Variants in ARK2N observed in about 807,000 individuals in gnomAD.
ARK2N encodes the protein arkadia (RNF111) N-terminal like PKA signaling regulator 2N.
At chr18:46,216,214 G>T in the ARK2N span, 2 of 1,613,772 alleles carry the variant, frequency 1.2e-6, no homozygotes, top group Middle Eastern at 1.7e-4. The surrounding 1 kb of genome is among the most constrained non-coding windows in gnomAD (Gnocchi z 4.3). Context: ...GTTGTCTTCC[G>T]CAGAAGAGAA....
chr18:46,200,137 G>T, the ARK2N span, among the ~76,000 whole-genome samples: 1 of 151,802 alleles, frequency 6.6e-6, no homozygotes, highest in African/African-American at 2.4e-5. Flanking sequence ...AGACCTGGTG[G>T]TTCTGTTTCT....
chr18:46,209,494 T>C, the ARK2N span, among the ~76,000 whole-genome samples: 7 of 152,206 alleles, frequency 4.6e-5, no homozygotes, highest in Admixed American at 4.6e-4. Context: ...ATGGTTTAAC[T>C]CTTTGAGCTG....
the ARK2N span, chr18:46,174,099 G>C: frequency 6.5e-6 from 1 of 152,824 alleles, no homozygotes; most frequent in African/African-American, 2.4e-5. Flanking sequence ...CGACTGAAGG[G>C]ACTTGGTGGT....
the ARK2N span, among the ~76,000 whole-genome samples, chr18:46,227,351 T>C: frequency 3.3e-5 from 5 of 152,226 alleles, no homozygotes; most frequent in Non-Finnish European, 5.9e-5. Flanking sequence ...AATTCAGTTC[T>C]ATATCCACAT....
chr18:46,191,893 C>T, the ARK2N span, among the ~76,000 whole-genome samples: 1 of 152,206 alleles, frequency 6.6e-6, no homozygotes, highest in African/African-American at 2.4e-5. Context: ...TCCAGAATGT[C>T]ATACAATTGG....
the ARK2N span, among the ~76,000 whole-genome samples, chr18:46,195,633 G>A: frequency 1.1e-4 from 15 of 142,250 alleles, no homozygotes; most frequent in African/African-American, 3.6e-4. Context: ...CTGGAGTGCA[G>A]TGGCACGATC....
At chr18:46,182,075 T>C in the ARK2N span, among the ~76,000 whole-genome samples, 1 of 152,162 alleles carries the variant, frequency 6.6e-6, no homozygotes, top group South Asian at 2.1e-4. Flanking sequence ...AGAAAGGTAT[T>C]GTCGGGGATA....
the ARK2N span, chr18:46,217,444 A>G: frequency 6.6e-6 from 1 of 152,226 alleles, no homozygotes; most frequent in Middle Eastern, 3.2e-3. Flanking sequence ...ACTGTATGGC[A>G]TTGAATAGGT....
chr18:46,240,848 CTTCTTCAATATT>C, the ARK2N span, among the ~76,000 whole-genome samples: 31 of 152,336 alleles, frequency 2.0e-4, 1 homozygote, highest in South Asian at 8.3e-4. Context: ...ACCTCCAAGT[CTTCTTCAATATT>C]TTCTTCAAAA....
the ARK2N span, among the ~76,000 whole-genome samples, chr18:46,224,307 C>T: frequency 6.6e-6 from 1 of 152,146 alleles, no homozygotes; most frequent in East Asian, 1.9e-4. Flanking sequence ...CACAGACCAG[C>T]GTTTGTAAAA....
At chr18:46,210,739 G>A in the ARK2N span, among the ~76,000 whole-genome samples, 1 of 151,886 alleles carries the variant, frequency 6.6e-6, no homozygotes, top group Non-Finnish European at 1.5e-5. Context: ...GTGATACCCC[G>A]TCTCTACAAA....
At chr18:46,175,520 C>T in the ARK2N span, among the ~76,000 whole-genome samples, 3 of 150,142 alleles carry the variant, frequency 2.0e-5, no homozygotes, top group African/African-American at 4.9e-5. Context: ...GTTTAACAAG[C>T]ATTTTTAGAG....
the ARK2N span, among the ~76,000 whole-genome samples, chr18:46,240,828 C>A: frequency 6.6e-6 from 1 of 152,202 alleles, no homozygotes; most frequent in Non-Finnish European, 1.5e-5. Context: ...CTTTGAAAAA[C>A]TTTCACAATA....
the ARK2N span, among the ~76,000 whole-genome samples, chr18:46,242,168 C>A: frequency 2.6e-5 from 4 of 152,144 alleles, no homozygotes; most frequent in Non-Finnish European, 5.9e-5. Context: ...ATTAAGTCAT[C>A]CATTCCACTT....
the ARK2N span, among the ~76,000 whole-genome samples, chr18:46,252,396 C>T: frequency 4.7e-4 from 72 of 152,004 alleles, no homozygotes; most frequent in African/African-American, 1.7e-3. Context: ...CTATCCTTAG[C>T]CTCCTGAGTA....
At chr18:46,203,030 A>G in the ARK2N span, among the ~76,000 whole-genome samples, 1 of 152,206 alleles carries the variant, frequency 6.6e-6, no homozygotes, top group African/African-American at 2.4e-5. Context: ...AGACTCTCAG[A>G]CATTGTTGGC....
At chr18:46,260,488 T>C in the ARK2N span, among the ~76,000 whole-genome samples, 1 of 152,214 alleles carries the variant, frequency 6.6e-6, no homozygotes, top group Non-Finnish European at 1.5e-5. Flanking sequence ...ACTAATAAAT[T>C]CTCTTCATTG....
At chr18:46,226,838 G>A in the ARK2N span, among the ~76,000 whole-genome samples, 1,510 of 141,508 alleles carry the variant, frequency 0.011, 34 homozygotes, top group African/African-American at 0.038. Context: ...ATGGAGTTTC[G>A]CTCTTGTTGC....
chr18:46,224,770 G>T, the ARK2N span, among the ~76,000 whole-genome samples: 2 of 152,288 alleles, frequency 1.3e-5, no homozygotes, highest in South Asian at 4.1e-4. Context: ...TTTGGAATTA[G>T]TGACTTTGAT....
Sources: gnomAD v4.1 joint callset for allele counts (sites outside exome capture counted in the v4.1 genomes callset) on GRCh38, gnomAD v4.1.1 for gene constraint, Gnocchi (gnomAD v3.1) non-coding constraint, MANE v1.5 for transcripts, NCBI Gene and HGNC (gene_info 2026-07-23, HGNC 2026-07-21) for gene names.